ZNF718: variants seen among roughly 807,000 people sequenced by gnomAD.
The protein encoded by ZNF718 is zinc finger protein 718.
In ZNF718, 3 loss-of-function variants were observed where a neutral mutation model predicts 2.6. The observed-to-expected ratio is 1.16, with a 90% CI of 0.53 to 3.01. The LOEUF is 3.01. Among genes scored for constraint, ZNF718 ranks in the 30% most tolerant of loss-of-function variants. The pLI is 0.03. For synonymous variants in ZNF718, 135 were observed against 77.9 expected, an observed-to-expected ratio of 1.73 and a Z score of -3.86; for missense variants, 468 against 230.0, an observed-to-expected ratio of 2.03 and a Z score of -6.69.
rs1434382907 is a variant in ZNF718 at position 162,068 on chromosome 4, G to A, written c.1383G>A (p.Lys461=). 10 of 775,290 alleles carry A rather than the reference G, an allele frequency of 1.3e-5. No homozygotes were observed. The highest frequency in any genetic ancestry group is 2.2e-5 in the Non-Finnish European group (9 of 415,434). 48.0% of individuals were successfully genotyped at this position (775,290 alleles called of 1,614,324 possible). A position where few individuals can be genotyped will look rare whatever the true frequency, so the allele number is the denominator to read the frequency against. The change falls in exon 4 of 4, where the codon AAG becomes AAA. Residue 461 remains lysine, a synonymous_variant. Transcript: ENST00000510175. ...GTAAAGAATGCGGGAAAGCTTTTAA[G>A]CAGTACTCCAACCTTCCTCAACATA... ...YKCKECGKAF[K]QYSNLPQHKR... is the part of the protein sequence containing the mutation.
chr4:187,608 A>T (rs1183886642), intron 3 of ZNF718, among the ~76,000 whole-genome samples: 1 of 152,170 alleles, frequency 6.6e-6, no homozygotes, highest in African/African-American at 2.4e-5. Flanking sequence ...CAGCATGCAC[A>T]TTCCTCTGGG....
At chr4:197,668 G>A (rs1299880324) in intron 3 of ZNF718, among the ~76,000 whole-genome samples, 13 of 152,166 alleles carry the variant, frequency 8.5e-5, no homozygotes, top group African/African-American at 3.1e-4. Flanking sequence ...GCTATAAAAT[G>A]GAACTATGGA....
intron 3 of ZNF718, among the ~76,000 whole-genome samples, chr4:133,843 A>G (rs1255975473): frequency 6.6e-6 from 1 of 152,228 alleles, no homozygotes; most frequent in Non-Finnish European, 1.5e-5. Context: ...TTTGATATGT[A>G]TATACATTGT....
intron 3 of ZNF718, among the ~76,000 whole-genome samples, chr4:154,579 T>G (rs1716479830): frequency 6.6e-6 from 1 of 152,206 alleles, no homozygotes; most frequent in African/African-American, 2.4e-5. Context: ...ATTCTGCTCC[T>G]GCACTAGAGA....
At chr4:175,920 T>C (rs1010656476) in intron 3 of ZNF718, among the ~76,000 whole-genome samples, 1 of 143,126 alleles carries the variant, frequency 7.0e-6, no homozygotes, top group African/African-American at 2.6e-5. Flanking sequence ...GCAGTGGCGC[T>C]ATCTCGGCTC....
At chr4:135,290 C>G (rs1481116615) in intron 3 of ZNF718, among the ~76,000 whole-genome samples, 3 of 151,466 alleles carry the variant, frequency 2.0e-5, no homozygotes, top group African/African-American at 7.3e-5. Flanking sequence ...ACACGTGCCC[C>G]TGACACAGCC....
intron 3 of ZNF718, chr4:142,041 T>C (rs1553810343): frequency 1.9e-6 from 1 of 520,054 alleles, no homozygotes; most frequent in Non-Finnish European, 3.8e-6. Flanking sequence ...AGAAAAACTG[T>C]CCTTGCCACC....
chr4:190,003 G>A (rs1166188008), intron 3 of ZNF718, among the ~76,000 whole-genome samples: 2 of 152,068 alleles, frequency 1.3e-5, no homozygotes, highest in East Asian at 3.9e-4. Context: ...AATTTAGTTT[G>A]CTAACATTTC....
intron 3 of ZNF718, among the ~76,000 whole-genome samples, chr4:137,645 G>A (rs1715629190): frequency 6.6e-6 from 1 of 151,940 alleles, no homozygotes; most frequent in Admixed American, 6.6e-5. Context: ...TTATTCTTTG[G>A]AGAAACATTT....
chr4:194,083 G>A (rs1221794906), intron 3 of ZNF718, among the ~76,000 whole-genome samples: 2 of 152,084 alleles, frequency 1.3e-5, no homozygotes, highest in Non-Finnish European at 2.9e-5. Context: ...ATCCCATTCT[G>A]CCTGCTCCTC....
Position 161,152 on chromosome 4 carries a change from C to G in ZNF718, c.467C>G (p.Ser156Ter). 1 of 757,142 alleles carries G rather than the reference C, an allele frequency of 1.3e-6. No homozygotes were observed. The highest frequency in any genetic ancestry group is 2.5e-6 in the Non-Finnish European group (1 of 406,106). 46.9% of individuals were successfully genotyped at this position (757,142 alleles called of 1,614,324 possible). The change falls in exon 4 of 4, where the codon TCA becomes TGA. Residue 156 changes from serine to a stop codon, truncating the protein, a stop_gained. Coordinates refer to ENST00000510175, the MANE Select transcript of ZNF718 (RefSeq NM_001039127.6). LOFTEE classifies it low-confidence loss of function (END_TRUNC). ...TGTGTCAAAGTTTTTCATAAATTTT[C>G]AAATTCAAACAAAGATAAGATAAGA... is the stretch of plus-strand genomic sequence containing the variant. Reference protein sequence around the residue: ...NICVKVFHKFSNSNKDKIRYT... With the variant: ...NICVKVFHKF
At chr4:143,600 A>AAC (rs1372669048) in intron 3 of ZNF718, among the ~76,000 whole-genome samples, 9 of 152,212 alleles carry the variant, frequency 5.9e-5, no homozygotes, top group Admixed American at 5.2e-4. Flanking sequence ...ACTTTAAGGA[A>AAC]ACACATAAAT....
At chr4:192,547 C>T (rs184569242) in intron 3 of ZNF718, among the ~76,000 whole-genome samples, 2 of 152,112 alleles carry the variant, frequency 1.3e-5, no homozygotes, top group African/African-American at 4.8e-5. Context: ...GTCTCTCAGT[C>T]CCCCCTCTCA....
chr4:137,410 AT>A (rs1192447919), intron 3 of ZNF718, among the ~76,000 whole-genome samples: 16 of 149,384 alleles, frequency 1.1e-4, no homozygotes, highest in South Asian at 4.2e-4. Context: ...GAATAACTTC[AT>A]TTTTTTTTTG....
chr4:201,923 T>C (rs1717910420), exon 5 of ZNF718: 1 of 186,466 alleles, frequency 5.4e-6, no homozygotes, highest in African/African-American at 2.3e-5. Context: ...TCCTGTTAAA[T>C]CTGTGGACTA....
intron 3 of ZNF718, among the ~76,000 whole-genome samples, chr4:153,800 C>T (rs1716443547): frequency 6.6e-6 from 1 of 152,094 alleles, no homozygotes; most frequent in South Asian, 2.1e-4. Context: ...GAACAGAAAT[C>T]TATATACTGA....
At chr4:138,106 C>G (rs1215296866) in intron 3 of ZNF718, among the ~76,000 whole-genome samples, 6 of 152,150 alleles carry the variant, frequency 3.9e-5, no homozygotes, top group Non-Finnish European at 7.4e-5. Context: ...AATGGGTATT[C>G]ATTACCTCAA....
Position 160,153 on chromosome 4 carries a change from T to C in ZNF718, c.227-759T>C, listed in dbSNP as rs148815823. Among the ~76,000 whole-genome samples, 707 of 152,334 alleles carry C rather than the reference T, an allele frequency of 4.6e-3. 6 individuals are homozygous for C. Among genetic ancestry groups the C allele is most frequent in the African/African-American group, 0.016 (673 of 41,568 alleles). ...CCATTTCTTTCAGCACCCTGTATTATTGGAGACAGAAACCAGCTTTTGTAA... is the reference window on the plus strand; with the variant it reads ...CCATTTCTTTCAGCACCCTGTATTACTGGAGACAGAAACCAGCTTTTGTAA... On this transcript the variant is annotated intron_variant, in intron 3 of 3. Transcript: ENST00000510175.
At position 124,908 on chromosome 4, in the gene ZNF718, G is replaced by T. The variant is rs868935290; in HGVS notation, c.3+235G>T. ...CCCTGCACTTTCCCCGGGCTGTGGAGTGAGTAGGAGCTCATCCGGAAGACA... is the reference window on the plus strand; with the variant it reads ...CCCTGCACTTTCCCCGGGCTGTGGATTGAGTAGGAGCTCATCCGGAAGACA... On this transcript the variant is annotated intron_variant, in intron 1 of 3. Coordinates refer to ENST00000510175, the MANE Select transcript of ZNF718 (RefSeq NM_001039127.6). The T allele has an allele frequency of 3.6e-5, 18 of 496,468 alleles. No individual in the cohort carries two copies. The South Asian group carries it at 3.9e-4, about 11-fold the overall frequency. 30.8% of individuals were successfully genotyped at this position (496,468 alleles called of 1,614,324 possible). A position where few individuals can be genotyped will look rare whatever the true frequency, so the allele number is the denominator to read the frequency against.
Sources: allele counts gnomAD v4.1 joint callset (sites outside exome capture counted in the v4.1 genomes callset), GRCh38; gene constraint gnomAD v4.1.1; transcripts MANE v1.5; gene names NCBI Gene and HGNC (gene_info 2026-07-23, HGNC 2026-07-21).